RUNX1T1: variants seen among roughly 807,000 people sequenced by gnomAD.
The protein encoded by RUNX1T1 is RUNX1 partner transcriptional co-repressor 1.
RUNX1T1 carries 4 observed loss-of-function variants against 62.8 expected under a neutral mutation model. The observed-to-expected ratio is 0.06, with a 90% CI of 0.03 to 0.15. The LOEUF is 0.15. RUNX1T1 is among the 10% of genes least tolerant of loss of function. RUNX1T1 has a pLI of 1.00. For missense variants in RUNX1T1, 508 were observed against 754.3 expected (o/e 0.67, Z 3.82); for synonymous variants, 291 against 286.0 (o/e 1.02, Z -0.18).
At chr8:91,992,076 G>A (rs754261826) in intron 5 of RUNX1T1, among the ~76,000 whole-genome samples, 187 bp from the exon 7 acceptor site, 4 of 152,142 alleles carry the variant, frequency 2.6e-5, no homozygotes, top group Non-Finnish European at 5.9e-5. Context: ...ATGATCACAA[G>A]CCTGCAGACA....
At position 91,997,680 on chromosome 8, in the gene RUNX1T1, C is replaced by T. The variant is rs139242599; in HGVS notation, c.660-5791G>A. On this transcript the variant is annotated intron_variant, in intron 5 of 10. Transcript: ENST00000396218. ...TGATCTCAAGCATCTCTATACGGGT[C>T]CCTCCTTCTTGCCCCAGGATACCTT... Among the ~76,000 whole-genome samples the T allele has an allele frequency of 3.6e-4, 55 of 152,222 alleles. 1 individual carries two copies. The highest frequency in any genetic ancestry group is 1.3e-3 in the African/African-American group (54 of 41,530).
intron 10 of RUNX1T1, among the ~76,000 whole-genome samples, chr8:91,967,172 C>T (rs181494182): frequency 4.6e-5 from 7 of 152,262 alleles, no homozygotes; most frequent in Admixed American, 1.3e-4. Flanking sequence ...TCATACCATG[C>T]CTGGTTCAGA....
Position 92,095,373 on chromosome 8 carries a change from G to C in RUNX1T1, c.-86+4207C>G, listed in dbSNP as rs545132108. The C allele has an allele frequency of 1.6e-5, 25 of 1,535,450 alleles. No homozygotes were observed. In the East Asian group the frequency reaches 6.1e-4, roughly 38 times the overall value. Reference sequence around the variant, plus strand: ...TTCTGGCAAAGGAGCGCGGGAGAGCGGCCGCGGCCGAGGCGGCACCCAGAC... The same window carrying C: ...TTCTGGCAAAGGAGCGCGGGAGAGCCGCCGCGGCCGAGGCGGCACCCAGAC... On this transcript the variant is annotated intron_variant, in intron 1 of 11. Transcript: ENST00000265814.
intron 1 of RUNX1T1, among the ~76,000 whole-genome samples, chr8:92,031,863 G>C (rs926744394): frequency 6.6e-6 from 1 of 151,768 alleles, no homozygotes; most frequent in South Asian, 2.1e-4. Flanking sequence ...AGGCTGAGGC[G>C]GGCGGGTCAC....
chr8:92,008,388 T>A (rs5012825), intron 4 of RUNX1T1, among the ~76,000 whole-genome samples: 2,675 of 131,872 alleles, frequency 0.02, 37 homozygotes, highest in African/African-American at 0.045. Flanking sequence ...TCTCTCTCTC[T>A]CACACACACA....
chr8:92,075,887 T>C, intron 2 of RUNX1T1, 78 bp downstream of exon 2: 1 of 1,300,418 alleles, frequency 7.7e-7, no homozygotes, highest in Non-Finnish European at 1.1e-6. Flanking sequence ...TTTACAATTA[T>C]AATTTATTGG....
intron 5 of RUNX1T1, among the ~76,000 whole-genome samples, chr8:91,995,512 G>A (rs1376717598): frequency 6.6e-6 from 1 of 152,194 alleles, no homozygotes; most frequent in African/African-American, 2.4e-5. Context: ...ACTTGCAGGG[G>A]TGTAGTGACT....
At chr8:92,016,307 C>T (rs1284538176) in intron 2 of RUNX1T1, among the ~76,000 whole-genome samples, 1 of 152,168 alleles carries the variant, frequency 6.6e-6, no homozygotes, top group Non-Finnish European at 1.5e-5. Flanking sequence ...AAGCAATACA[C>T]TCTATTGAGA....
At position 91,973,243 on chromosome 8, in the gene RUNX1T1, A is replaced by AAT. The variant is rs200854036; in HGVS notation, c.1268-2397_1268-2396dup. 3.8e-3 allele frequency among the ~76,000 whole-genome samples: 572 copies of AAT among 151,896 alleles called. 8 individuals are homozygous for AAT. Among genetic ancestry groups the AAT allele is most frequent in the East Asian group, 0.028 (145 of 5,184 alleles). On this transcript the variant is annotated intron_variant, in intron 9 of 10. Transcript: ENST00000396218. Reference sequence around the variant, plus strand: ...TGCAACTTACTCTCAAATGATTAGAAATATATATATATTTAAGAGAAAGAA... The same window carrying AAT: ...TGCAACTTACTCTCAAATGATTAGAAATATATATATATATTTAAGAGAAAGAA...
At chr8:91,992,385 GTTGT>G (rs982187700) in intron 5 of RUNX1T1, among the ~76,000 whole-genome samples, 57 of 152,254 alleles carry the variant, frequency 3.7e-4, no homozygotes, top group African/African-American at 1.3e-3. Flanking sequence ...GCTACATGTG[GTTGT>G]TTAACTTAAA....
At chr8:92,073,459 G>A (rs1486046344) in intron 2 of RUNX1T1, among the ~76,000 whole-genome samples, 1 of 152,020 alleles carries the variant, frequency 6.6e-6, no homozygotes, top group Non-Finnish European at 1.5e-5. Flanking sequence ...ACTCTCTGGC[G>A]CCACCTCAGG....
At chr8:92,037,651 C>G (rs959649678) in intron 1 of RUNX1T1, among the ~76,000 whole-genome samples, 1 of 151,994 alleles carries the variant, frequency 6.6e-6, no homozygotes, top group Non-Finnish European at 1.5e-5. Context: ...TGCACTCCAG[C>G]CTGGGTGACA....
intron 2 of RUNX1T1, among the ~76,000 whole-genome samples, chr8:92,016,694 A>AG (rs1390129699): frequency 6.6e-6 from 1 of 152,148 alleles, no homozygotes; most frequent in Non-Finnish European, 1.5e-5. Flanking sequence ...CCCAAAAAAA[A>AG]GGGCAAGAAA....
chr8:92,017,549 A>G, intron 1 of RUNX1T1, 186 bp from the exon 3 acceptor site: 1 of 1,475,158 alleles, frequency 6.8e-7, no homozygotes, highest in Non-Finnish European at 8.9e-7. Context: ...AAGGTATAGC[A>G]CAGATGGCAG....
chr8:92,056,653 T>C (rs1238446916), intron 1 of RUNX1T1, among the ~76,000 whole-genome samples: 1 of 151,914 alleles, frequency 6.6e-6, no homozygotes. Flanking sequence ...CAAAAAAAGA[T>C]ATCTGCTTTC....
intron 1 of RUNX1T1, among the ~76,000 whole-genome samples, chr8:92,082,420 A>C (rs190958699): frequency 6.6e-6 from 1 of 152,290 alleles, no homozygotes; most frequent in East Asian, 1.9e-4. Context: ...TCATGTGCAC[A>C]GGGTCATCTT....
chr8:92,059,514 G>A (rs1342044391), intron 1 of RUNX1T1, among the ~76,000 whole-genome samples: 2 of 152,138 alleles, frequency 1.3e-5, no homozygotes, highest in African/African-American at 2.4e-5. Context: ...TAAAGTCCAT[G>A]TTTTACAATC....
intron 6 of RUNX1T1, among the ~76,000 whole-genome samples, chr8:91,990,999 G>A (rs1817561288): frequency 6.6e-6 from 1 of 152,144 alleles, no homozygotes; most frequent in African/African-American, 2.4e-5. Context: ...AAGAAGGAAT[G>A]AACACAGGGA....
chr8:91,955,986 TTTAA>T (rs1364096889), downstream of RUNX1T1: 1 of 229,768 alleles, frequency 4.4e-6, no homozygotes, highest in Non-Finnish European at 8.6e-6. Flanking sequence ...GGTAGCGACT[TTTAA>T]TTAGAGGAGA....
Sources: allele counts gnomAD v4.1 joint callset (sites outside exome capture counted in the v4.1 genomes callset), GRCh38; gene constraint gnomAD v4.1.1; transcripts MANE v1.5; gene names NCBI Gene and HGNC (gene_info 2026-07-23, HGNC 2026-07-21).